TACR3: variants seen among roughly 807,000 people sequenced by gnomAD.
The protein encoded by TACR3 is tachykinin receptor 3.
In TACR3, 34 loss-of-function variants were observed where a neutral mutation model predicts 35.0. The ratio of observed to expected loss-of-function variants is 0.97; its 90% CI spans 0.74 to 1.30. The LOEUF (loss-of-function observed/expected upper bound fraction) is 1.30. Among genes scored for constraint, TACR3 ranks in the 50% most tolerant of loss-of-function variants. TACR3 has a pLI of 0.00. For missense variants in TACR3, 558 were observed against 591.7 expected (o/e 0.94, Z 0.59); for synonymous variants, 233 against 221.1 (o/e 1.05, Z -0.48).
intron 3 of TACR3, among the ~76,000 whole-genome samples, chr4:103,606,981 T>G (rs1724387268): frequency 6.6e-6 from 1 of 152,114 alleles, no homozygotes; most frequent in Non-Finnish European, 1.5e-5. Flanking sequence ...CTCTTATTAT[T>G]TTGAAATACA....
intron 1 of TACR3, among the ~76,000 whole-genome samples, chr4:103,707,689 G>A (rs984361790): frequency 5.9e-5 from 9 of 152,194 alleles, no homozygotes; most frequent in East Asian, 1.9e-4. Context: ...AGCGAGAGCC[G>A]AGGCAGGGTG....
intron 3 of TACR3, among the ~76,000 whole-genome samples, chr4:103,627,017 A>G (rs1724907914): frequency 6.8e-6 from 1 of 146,426 alleles, no homozygotes; most frequent in South Asian, 2.1e-4. Flanking sequence ...TGTGAAAAAT[A>G]AATAAAAAAA....
At chr4:103,641,928 A>G (rs1202611391) in intron 3 of TACR3, among the ~76,000 whole-genome samples, 2 of 151,862 alleles carry the variant, frequency 1.3e-5, no homozygotes, top group Non-Finnish European at 1.5e-5. Context: ...AAAAATGTCA[A>G]ACTAATAGAA....
intron 3 of TACR3, among the ~76,000 whole-genome samples, chr4:103,639,556 C>T (rs1010218582): frequency 1.4e-4 from 21 of 151,648 alleles, no homozygotes; most frequent in Non-Finnish European, 2.8e-4. Context: ...CAAACCTGCA[C>T]GTTGTGCACA....
intron 3 of TACR3, among the ~76,000 whole-genome samples, chr4:103,612,602 T>A (rs1724536561): frequency 6.6e-6 from 1 of 152,092 alleles, no homozygotes. Flanking sequence ...AACCTCCGCC[T>A]GGTTCAAGTG....
chr4:103,662,862 C>A (rs767619559), intron 1 of TACR3, among the ~76,000 whole-genome samples: 1 of 152,138 alleles, frequency 6.6e-6, no homozygotes, highest in African/African-American at 2.4e-5. Flanking sequence ...TATCATGGAG[C>A]ATCGATTTCA....
chr4:103,591,417 G>T, intron 4 of TACR3, 70 bp downstream of exon 4: 2 of 1,571,188 alleles, frequency 1.3e-6, no homozygotes, highest in Non-Finnish European at 1.8e-6. Flanking sequence ...CAAGAAAATG[G>T]AACAACATTG....
chr4:103,706,321 CTTCT>C (rs1300516088), intron 1 of TACR3, among the ~76,000 whole-genome samples: 4 of 151,994 alleles, frequency 2.6e-5, no homozygotes, highest in African/African-American at 7.2e-5. Flanking sequence ...GAATTATTTG[CTTCT>C]TTGAGTTTTA....
At chr4:103,685,790 C>T (rs919381590) in intron 1 of TACR3, among the ~76,000 whole-genome samples, 6 of 152,178 alleles carry the variant, frequency 3.9e-5, no homozygotes, top group African/African-American at 1.2e-4. Context: ...TATAAGTTAA[C>T]AAGTATTCAT....
At chr4:103,637,051 C>A (rs1725210044) in intron 3 of TACR3, among the ~76,000 whole-genome samples, 1 of 152,124 alleles carries the variant, frequency 6.6e-6, no homozygotes, top group Non-Finnish European at 1.5e-5. Context: ...CTATTCCAAT[C>A]AATAGCAAAA....
chr4:103,595,148 T>C (rs1723978478), intron 3 of TACR3, among the ~76,000 whole-genome samples: 1 of 152,180 alleles, frequency 6.6e-6, no homozygotes, highest in East Asian at 1.9e-4. Flanking sequence ...GCAGGTGCTA[T>C]GAGCAGTTAC....
intron 1 of TACR3, among the ~76,000 whole-genome samples, chr4:103,662,730 G>A (rs1725858396): frequency 1.3e-5 from 2 of 152,142 alleles, no homozygotes; most frequent in African/African-American, 4.8e-5. Context: ...AGAATGTTAT[G>A]TGAAGACAGA....
intron 1 of TACR3, among the ~76,000 whole-genome samples, chr4:103,717,835 C>T (rs1723124354): frequency 6.6e-6 from 1 of 151,812 alleles, no homozygotes; most frequent in African/African-American, 2.4e-5. Flanking sequence ...TCATTCTTTG[C>T]ACTCCTATAC....
At chr4:103,674,452 A>G (rs867986073) in intron 1 of TACR3, among the ~76,000 whole-genome samples, 3 of 152,172 alleles carry the variant, frequency 2.0e-5, no homozygotes, top group Admixed American at 6.5e-5. Flanking sequence ...CTGAGATTCT[A>G]GTTTTCATCA....
intron 3 of TACR3, among the ~76,000 whole-genome samples, chr4:103,654,825 G>A (rs1028433897): frequency 1.3e-5 from 2 of 151,976 alleles, no homozygotes; most frequent in African/African-American, 4.8e-5. Flanking sequence ...ATAGCTATAA[G>A]AAATTATCCC....
At chr4:103,691,345 C>T (rs1389247908) in intron 1 of TACR3, among the ~76,000 whole-genome samples, 2 of 152,080 alleles carry the variant, frequency 1.3e-5, no homozygotes, top group Non-Finnish European at 2.9e-5. Context: ...AGTAGCCAGT[C>T]TTAAAGGTTA....
intron 3 of TACR3, among the ~76,000 whole-genome samples, chr4:103,601,365 G>A (rs1351206304): frequency 6.6e-6 from 1 of 152,094 alleles, no homozygotes; most frequent in African/African-American, 2.4e-5. Flanking sequence ...TCTTTTAATT[G>A]GAGAATTTAG....
intron 3 of TACR3, among the ~76,000 whole-genome samples, chr4:103,620,989 C>A (rs1273120846): frequency 6.6e-6 from 1 of 152,196 alleles, no homozygotes; most frequent in African/African-American, 2.4e-5. Context: ...TGTTGAATAT[C>A]TAATGCTAAG....
At chr4:103,671,846 A>G (rs1260676083) in intron 1 of TACR3, among the ~76,000 whole-genome samples, 1 of 152,102 alleles carries the variant, frequency 6.6e-6, no homozygotes, top group Non-Finnish European at 1.5e-5. Context: ...AATGAAGTTT[A>G]CCACATCAAT....
Sources: gnomAD v4.1 joint callset for allele counts (sites outside exome capture counted in the v4.1 genomes callset) on GRCh38, gnomAD v4.1.1 for gene constraint, MANE v1.5 for transcripts, NCBI Gene and HGNC (gene_info 2026-07-23, HGNC 2026-07-21) for gene names.